Variants in ADAM22 observed in about 807,000 individuals in gnomAD.
ADAM22 encodes the protein disintegrin and metalloproteinase domain-containing protein 22.
A neutral mutation model predicts 144.6 loss-of-function variants in ADAM22; 65 were observed. The observed-to-expected ratio is 0.45, with a 90% confidence interval of 0.37 to 0.55. The LOEUF is 0.55. Among genes scored for constraint, ADAM22 ranks in the 20% least tolerant of loss-of-function variants. ADAM22 has a pLI of 0.00. For synonymous variants in ADAM22, 391 were observed against 412.6 expected (o/e 0.95, Z 0.63); for missense variants, 974 against 1,184.9 (o/e 0.82, Z 2.61).
intron 3 of ADAM22, among the ~76,000 whole-genome samples, chr7:88,057,348 T>A (rs550951610): frequency 2.6e-5 from 4 of 152,246 alleles, no homozygotes; most frequent in Non-Finnish European, 5.9e-5. Context: ...GGATCATCTT[T>A]TCACTAGTTT....
chr7:88,113,563 G>C (rs1015150132), intron 5 of ADAM22, among the ~76,000 whole-genome samples: 4 of 149,060 alleles, frequency 2.7e-5, no homozygotes, highest in Non-Finnish European at 5.9e-5. Flanking sequence ...TGCCCACCTA[G>C]TATGGCCCCC....
rs183407214 is a variant in ADAM22, at chr7:88,041,594, T to C, written c.324-34032T>C. Among the ~76,000 whole-genome samples the C allele has an allele frequency of 5.9e-5, 9 of 152,182 alleles. 1 individual carries two copies. The highest frequency in any genetic ancestry group is 2.6e-4 in the Admixed American group (4 of 15,292). The stretch of plus-strand genomic sequence containing the variant: ...TATATTTGAATGTGAAATTTAAGAT[T>C]AATTTTGCAAATATCATGTTTTTAA... On this transcript the variant is annotated intron_variant, in intron 3 of 31. Transcript: ENST00000413139.
intron 27 of ADAM22, 80 bp downstream of exon 27, chr7:88,179,209 A>T (rs551321503): frequency 1.7e-6 from 1 of 602,082 alleles, no homozygotes; most frequent in East Asian, 3.0e-5. Flanking sequence ...TCAAAATGCC[A>T]TATGCTCAGA....
intron 3 of ADAM22, among the ~76,000 whole-genome samples, chr7:88,066,646 G>A (rs1811325200): frequency 6.6e-6 from 1 of 152,096 alleles, no homozygotes; most frequent in Admixed American, 6.6e-5. Flanking sequence ...CCGAGGAAGA[G>A]AGTGTCAAAA....
intron 17 of ADAM22, 33 bp downstream of exon 17, chr7:88,145,540 A>G (rs1472466985): frequency 2.0e-6 from 3 of 1,520,744 alleles, no homozygotes; most frequent in Non-Finnish European, 2.7e-6. Flanking sequence ...TTGACAGAAA[A>G]AAAGGACATA....
At chr7:87,975,374 C>A (rs1435630810) in intron 2 of ADAM22, among the ~76,000 whole-genome samples, 1 of 152,132 alleles carries the variant, frequency 6.6e-6, no homozygotes, top group African/African-American at 2.4e-5. Flanking sequence ...CTACTTTGTC[C>A]CCCAAATCTA....
chr7:88,113,355 T>G (rs1406524463), intron 5 of ADAM22, among the ~76,000 whole-genome samples: 4 of 151,828 alleles, frequency 2.6e-5, no homozygotes, highest in Non-Finnish European at 5.9e-5. Flanking sequence ...ATTACTGCTC[T>G]GATCTAAGCC....
intron 23 of ADAM22, among the ~76,000 whole-genome samples, chr7:88,163,600 T>G (rs1472365183): frequency 6.6e-6 from 1 of 152,092 alleles, no homozygotes; most frequent in Non-Finnish European, 1.5e-5. Context: ...TTGTACACAC[T>G]GCTGTAGCCA....
At chr7:88,162,097 T>TACACACACACACACACAC (rs61053925) in intron 22 of ADAM22, among the ~76,000 whole-genome samples, 4,416 of 136,684 alleles carry the variant, frequency 0.032, 103 homozygotes, top group East Asian at 0.077. Flanking sequence ...AAATGTGTAA[T>TACACACACACACACACAC]ACACACACAC....
At chr7:88,189,870 G>T (rs1368443103) in intron 30 of ADAM22, among the ~76,000 whole-genome samples, 1 of 150,474 alleles carries the variant, frequency 6.6e-6, no homozygotes, top group Non-Finnish European at 1.5e-5. Context: ...CTTGAACCTG[G>T]GAGGCGGAGG....
intron 3 of ADAM22, among the ~76,000 whole-genome samples, chr7:88,017,301 A>C (rs1274918158): frequency 6.6e-6 from 1 of 152,188 alleles, no homozygotes; most frequent in Non-Finnish European, 1.5e-5. Context: ...AGAAATGGCA[A>C]ATGTTTAAGG....
At chr7:88,196,283 C>T (rs1391368608) in intron 31 of ADAM22, among the ~76,000 whole-genome samples, 188 bp from the exon 32 acceptor site, 1 of 152,168 alleles carries the variant, frequency 6.6e-6, no homozygotes, top group Non-Finnish European at 1.5e-5. Flanking sequence ...GGTTGAGACA[C>T]AGGTTTTGAG....
intron 8 of ADAM22, among the ~76,000 whole-genome samples, chr7:88,128,257 C>T (rs1830917494): frequency 6.6e-6 from 1 of 151,894 alleles, no homozygotes; most frequent in Admixed American, 6.6e-5. Context: ...AACGGAAGTA[C>T]AAAATAAAGG....
intron 2 of ADAM22, among the ~76,000 whole-genome samples, chr7:87,967,797 G>T (rs1849472811): frequency 9.5e-6 from 1 of 105,252 alleles, no homozygotes; most frequent in Non-Finnish European, 1.7e-5. Flanking sequence ...GACAGAGTGA[G>T]ACTCTGTCTC....
intron 3 of ADAM22, among the ~76,000 whole-genome samples, chr7:88,039,987 C>T (rs1308791072): frequency 6.6e-6 from 1 of 151,948 alleles, no homozygotes; most frequent in South Asian, 2.1e-4. Flanking sequence ...CTCTCCCACT[C>T]ATCACAGTTC....
At chr7:87,945,278 T>G (rs768957381) in intron 2 of ADAM22, among the ~76,000 whole-genome samples, 1 of 152,178 alleles carries the variant, frequency 6.6e-6, no homozygotes, top group South Asian at 2.1e-4. Context: ...AGTTAGAATT[T>G]GGAAAATTCG....
rs997356202 is a variant in ADAM22, at chr7:88,088,562, T to A, written c.390+12870T>A. Among the ~76,000 whole-genome samples the A allele has an allele frequency of 6.1e-5, 9 of 147,750 alleles. No individual in the cohort carries two copies. The East Asian group carries it at 1.4e-3, about 23-fold the overall frequency. On this transcript the variant is annotated intron_variant, in intron 4 of 31. Coordinates refer to ENST00000413139, the MANE Select transcript of ADAM22 (RefSeq NM_001324418.2). Reference sequence around the variant, plus strand: ...CAGCTGTAAGAAATCACTTAGAAAATTTTAAATATAGTGACTGTCAGGACA... The same window carrying A: ...CAGCTGTAAGAAATCACTTAGAAAAATTTAAATATAGTGACTGTCAGGACA...
chr7:87,952,476 A>G (rs1323956205), intron 2 of ADAM22, among the ~76,000 whole-genome samples: 1 of 152,134 alleles, frequency 6.6e-6, no homozygotes, highest in Non-Finnish European at 1.5e-5. Flanking sequence ...CCAGCCTTGC[A>G]TCCCAGGGAT....
chr7:88,196,164 A>C (rs1320714584), intron 31 of ADAM22, among the ~76,000 whole-genome samples: 1 of 152,204 alleles, frequency 6.6e-6, no homozygotes, highest in African/African-American at 2.4e-5. Context: ...ATAATATTTT[A>C]AATTCTTTTA....
Sources: allele counts gnomAD v4.1 joint callset (sites outside exome capture counted in the v4.1 genomes callset), GRCh38; gene constraint gnomAD v4.1.1; transcripts MANE v1.5; gene names NCBI Gene and HGNC (gene_info 2026-07-23, HGNC 2026-07-21).